The following GRIK4 variants were observed in gnomAD, a reference collection of about 807,000 sequenced individuals.
GRIK4 encodes the protein glutamate receptor ionotropic, kainate 4.
Under a neutral mutation model 104.9 loss-of-function variants are expected in GRIK4, and 40 were observed. The observed-to-expected ratio is 0.38, with a 90% CI of 0.30 to 0.50. GRIK4 has a LOEUF of 0.50. GRIK4 is among the 20% of genes least tolerant of loss of function. GRIK4 has a pLI of 0.93. For missense variants in GRIK4, 1,047 were observed against 1,308.1 expected (o/e 0.80, Z 3.08); for synonymous variants, 485 against 524.9 (o/e 0.92, Z 1.04).
intron 3 of GRIK4, among the ~76,000 whole-genome samples, chr11:120,794,134 GAA>G (rs1283589603): frequency 6.7e-6 from 1 of 150,310 alleles, no homozygotes; most frequent in African/African-American, 2.5e-5. Flanking sequence ...ACAGGTGAGG[GAA>G]GTTGTTAGGG....
Position 120,754,179 on chromosome 11 carries a change from C to T in GRIK4, c.83-48514C>T, listed in dbSNP as rs546981658. On this transcript the variant is annotated intron_variant, in intron 3 of 20. Coordinates refer to ENST00000527524, the MANE Select transcript of GRIK4 (RefSeq NM_014619.5). Reference sequence around the variant, plus strand: ...CCAAGTAGCTGGGATTACAGGCGCCCGCCACCGTGCCAAGCTAATTTTTGT... The same window carrying T: ...CCAAGTAGCTGGGATTACAGGCGCCTGCCACCGTGCCAAGCTAATTTTTGT... 2.8e-4 allele frequency among the ~76,000 whole-genome samples: 42 copies of T among 152,136 alleles called. No homozygotes were observed. In the Middle Eastern group the frequency reaches 0.014, roughly 49 times the overall value.
At chr11:120,862,270 G>A in intron 9 of GRIK4, 150 bp downstream of exon 9, 1 of 693,234 alleles carries the variant, frequency 1.4e-6, no homozygotes, top group South Asian at 1.8e-5. Context: ...GGTGTGGGAA[G>A]TGGTTGCAGG....
At chr11:120,712,492 T>TA (rs976813748) in intron 3 of GRIK4, among the ~76,000 whole-genome samples, 3 of 152,098 alleles carry the variant, frequency 2.0e-5, no homozygotes, top group Non-Finnish European at 4.4e-5. Flanking sequence ...GCTTTTCTTC[T>TA]AAATTTATCC....
In GRIK4 at chr11:120,961,580, T is replaced by G. The variant is rs12276423; in HGVS notation, c.2040+506T>G. Among the ~76,000 whole-genome samples the G allele has an allele frequency of 3.0e-3, 456 of 152,318 alleles. 1 individual carries two copies. Among genetic ancestry groups the G allele is most frequent in the African/African-American group, 0.01 (434 of 41,560 alleles). ...GAACTGGCTTCACTGATTCCAGACT[T>G]GATAGGTATCAGATAGGGACCCTGT... On this transcript the variant is annotated intron_variant, in intron 17 of 20. Transcript: ENST00000527524.
rs539571809 is a variant in GRIK4 at position 120,854,353 on chromosome 11, C to A, written c.745-7606C>A. 3.3e-5 allele frequency among the ~76,000 whole-genome samples: 5 copies of A among 152,336 alleles called. No individual in the cohort carries two copies. In the South Asian group the frequency reaches 1.0e-3, roughly 32 times the overall value. On this transcript the variant is annotated intron_variant, in intron 8 of 20. Transcript: ENST00000527524. ...GATTTTAAACACCACTGTTAGGAAG[C>A]AGAGCCAGTTCTGGAGTGAAGAGGC...
chr11:120,970,047 G>T (rs570922921), intron 19 of GRIK4, among the ~76,000 whole-genome samples: 1 of 152,124 alleles, frequency 6.6e-6, no homozygotes, highest in African/African-American at 2.4e-5. Context: ...ACAGAGCCAG[G>T]CACATAGTAG....
intron 1 of GRIK4, among the ~76,000 whole-genome samples, chr11:120,626,932 G>T (rs759758565): frequency 6.6e-6 from 1 of 152,226 alleles, no homozygotes; most frequent in Admixed American, 6.5e-5. Context: ...CCCTAGTGAT[G>T]GTAAACACTG....
chr11:120,939,856 T>C lies in GRIK4; in HGVS notation c.1477-491T>C, dbSNP rs1193161222. 6.6e-6 allele frequency among the ~76,000 whole-genome samples: 1 copy of C among 152,160 alleles called. No individual in the cohort carries two copies. Among genetic ancestry groups the C allele is most frequent in the Non-Finnish European group, 1.5e-5 (1 of 68,032 alleles). On this transcript the variant is annotated intron_variant, in intron 13 of 20. Transcript: ENST00000527524. The surrounding 1 kb of genome is among the most constrained non-coding windows in gnomAD (Gnocchi z 5.6). ...TAAGCCAGGCATGGTGGCCCACGCC[T>C]GTAGTTCCAGCTACTCGGGAAGCTG... is the stretch of plus-strand genomic sequence containing the variant.
intron 8 of GRIK4, among the ~76,000 whole-genome samples, chr11:120,857,415 T>C (rs1188566335): frequency 6.6e-6 from 1 of 152,210 alleles, no homozygotes. Flanking sequence ...TATCCACTTG[T>C]GGCTCTGACC....
At chr11:120,979,466 T>C (rs1241961175) in intron 19 of GRIK4, among the ~76,000 whole-genome samples, 1 of 152,186 alleles carries the variant, frequency 6.6e-6, no homozygotes, top group East Asian at 1.9e-4. Flanking sequence ...CTTCCTTTTA[T>C]GTGAGATGGC....
chr11:120,924,614 G>A (rs772079889), intron 13 of GRIK4, among the ~76,000 whole-genome samples: 26 of 151,916 alleles, frequency 1.7e-4, no homozygotes, highest in East Asian at 3.9e-4. Flanking sequence ...TACACCTTTC[G>A]TCTGCCCAAA....
intron 13 of GRIK4, among the ~76,000 whole-genome samples, chr11:120,929,237 G>A (rs749311546): frequency 7.9e-5 from 12 of 152,106 alleles, no homozygotes; most frequent in African/African-American, 2.2e-4. Context: ...TCCAGCCCGC[G>A]GCGGGTGGCG....
intron 2 of GRIK4, among the ~76,000 whole-genome samples, chr11:120,655,558 G>T (rs1358512905): frequency 6.6e-6 from 1 of 152,222 alleles, no homozygotes; most frequent in African/African-American, 2.4e-5. Context: ...GCCCCTGGCT[G>T]CTCTATGGAG....
intron 9 of GRIK4, among the ~76,000 whole-genome samples, chr11:120,864,522 G>C (rs182765543): frequency 6.6e-6 from 1 of 152,190 alleles, no homozygotes; most frequent in Non-Finnish European, 1.5e-5. Context: ...TTACAGGCGT[G>C]AGCCATCATT....
intron 1 of GRIK4, among the ~76,000 whole-genome samples, chr11:120,612,866 G>C (rs1949055527): frequency 6.6e-6 from 1 of 152,336 alleles, no homozygotes; most frequent in South Asian, 2.1e-4. Flanking sequence ...ACCGTGTGTA[G>C]AGCCCTGAGC....
intron 1 of GRIK4, among the ~76,000 whole-genome samples, chr11:120,553,826 T>G (rs1948162453): frequency 6.6e-6 from 1 of 152,104 alleles, no homozygotes. Flanking sequence ...CCCTGAGATG[T>G]CTCTCTCCGG....
intron 3 of GRIK4, among the ~76,000 whole-genome samples, chr11:120,686,521 G>T (rs147040667): frequency 9.8e-4 from 150 of 152,314 alleles, no homozygotes; most frequent in African/African-American, 3.4e-3. Flanking sequence ...CTCACACAGT[G>T]CCTGTGTACC....
chr11:120,894,498 T>C (rs905123740), intron 11 of GRIK4: 1 of 152,276 alleles, frequency 6.6e-6, no homozygotes, highest in Non-Finnish European at 1.5e-5. Context: ...ATTAAGATGC[T>C]GTTTGTAGGC....
chr11:120,942,143 A>T (rs933155424), intron 14 of GRIK4, among the ~76,000 whole-genome samples: 4 of 152,114 alleles, frequency 2.6e-5, no homozygotes, highest in South Asian at 2.1e-4. Context: ...CCTTTTTCTC[A>T]TTTGGTCCTC....
Sources: allele counts gnomAD v4.1 joint callset (sites outside exome capture counted in the v4.1 genomes callset), GRCh38; gene constraint gnomAD v4.1.1; non-coding constraint Gnocchi (gnomAD v3.1); transcripts MANE v1.5; gene names NCBI Gene and HGNC (gene_info 2026-07-23, HGNC 2026-07-21).